The following NCOR2 variants were observed in gnomAD, a reference collection of about 807,000 sequenced individuals.
NCOR2 encodes CTG repeat protein 26.
A neutral mutation model predicts 262.9 loss-of-function variants in NCOR2; 81 were observed. The observed-to-expected ratio is 0.31, with a 90% CI of 0.26 to 0.37. The LOEUF is 0.37. Ranked by LOEUF, NCOR2 falls within the 10% of genes least tolerant of loss-of-function variation. The probability of loss-of-function intolerance (pLI) is 1.00; values close to 1 mark genes in which losing one functional copy is unlikely to be tolerated. For synonymous variants in NCOR2, 1,659 were observed against 1,559.3 expected, an observed-to-expected ratio of 1.06 and a Z score of -1.51; for missense variants, 3,385 against 3,621.4, an observed-to-expected ratio of 0.93 and a Z score of 1.68.
chr12:124,434,758 G>A (rs550809990), intron 8 of NCOR2, among the ~76,000 whole-genome samples: 2 of 152,296 alleles, frequency 1.3e-5, no homozygotes, highest in East Asian at 1.9e-4. Flanking sequence ...GGAGACAGAG[G>A]GGGAGTATTT....
intron 46 of NCOR2, 43 bp from the exon 49 acceptor site, chr12:124,325,626 CCGG>C: frequency 1.6e-6 from 2 of 1,243,132 alleles, no homozygotes; most frequent in Non-Finnish European, 2.0e-6. Flanking sequence ...CTCTGTGAGC[CCGG>C]CAGCCCCTGC....
chr12:124,559,850 G>A (rs966290878), intron 1 of NCOR2, among the ~76,000 whole-genome samples: 20 of 152,182 alleles, frequency 1.3e-4, no homozygotes, highest in Admixed American at 1.2e-3. Flanking sequence ...TACGGCTTTG[G>A]AAAATTGTGA....
At chr12:124,372,042 G>A (rs762853215) in exon 20 of NCOR2, 46 of 1,596,712 alleles carry the variant, frequency 2.9e-5, no homozygotes, top group African/African-American at 4.0e-5. Context: ...CGCCGCCCTC[G>A]GCCTCATCCA....
chr12:124,416,847 CA>C (rs1303277624), intron 13 of NCOR2, among the ~76,000 whole-genome samples: 1 of 128,646 alleles, frequency 7.8e-6, no homozygotes, highest in South Asian at 2.6e-4. Flanking sequence ...CCCCGTGGCC[CA>C]GGGAGACCCC....
At chr12:124,497,039 G>C (rs1025736089), upstream of NCOR2, among the ~76,000 whole-genome samples, 1 of 152,232 alleles carries the variant, frequency 6.6e-6, no homozygotes, top group Non-Finnish European at 1.5e-5. The surrounding 1 kb of genome is among the most constrained non-coding windows in gnomAD (Gnocchi z 4.2). Flanking sequence ...ATGGTGGCTG[G>C]AGGCAGGTCG....
Position 124,432,523 on chromosome 12 carries a change from C to T in NCOR2, c.883-1736G>A, listed in dbSNP as rs1370845334. On this transcript the variant is annotated intron_variant, in intron 8 of 46. Transcript: ENST00000405201. The surrounding 1 kb of genome is among the most constrained non-coding windows in gnomAD (Gnocchi z 5.1). ...CAGCAGCCACATGCGGCTGGGGCTCCGGCCGCACCAGACAGCCCGGATGGA... is the reference window on the plus strand; with the variant it reads ...CAGCAGCCACATGCGGCTGGGGCTCTGGCCGCACCAGACAGCCCGGATGGA... Among the ~76,000 whole-genome samples the T allele has an allele frequency of 2.6e-5, 4 of 152,178 alleles. No homozygotes were observed. Among genetic ancestry groups the T allele is most frequent in the South Asian group, 2.1e-4 (1 of 4,830 alleles).
chr12:124,554,767 A>G (rs2051830635), intron 1 of NCOR2, among the ~76,000 whole-genome samples: 1 of 152,250 alleles, frequency 6.6e-6, no homozygotes, highest in Admixed American at 6.5e-5. Flanking sequence ...CCCAGGGCCC[A>G]GGTGCCGGGA....
chr12:124,325,666 C>T, intron 46 of NCOR2, 83 bp from the exon 49 acceptor site: 1 of 949,030 alleles, frequency 1.1e-6, no homozygotes, highest in Non-Finnish European at 1.4e-6. Flanking sequence ...ACACCGGGAA[C>T]AGAGGCCTCA....
upstream of NCOR2, among the ~76,000 whole-genome samples, chr12:124,500,234 G>T (rs978733979): frequency 1.3e-5 from 2 of 152,090 alleles, no homozygotes; most frequent in African/African-American, 4.8e-5. Flanking sequence ...ACAGCCCCAG[G>T]GCCCCTGCTG....
intron 13 of NCOR2, among the ~76,000 whole-genome samples, chr12:124,416,408 G>A (rs1343838828): frequency 6.6e-6 from 1 of 152,146 alleles, no homozygotes; most frequent in Non-Finnish European, 1.5e-5. Context: ...CTTTGCACTT[G>A]AGGGCCCCAT....
At chr12:124,466,906 G>A (rs539656878) in intron 4 of NCOR2, among the ~76,000 whole-genome samples, 14 of 151,902 alleles carry the variant, frequency 9.2e-5, no homozygotes, top group South Asian at 2.1e-4. Flanking sequence ...CTCATGATGC[G>A]TGCAAAGCAC....
chr12:124,326,011 G>A (rs1196838510), intron 46 of NCOR2, 180 bp downstream of exon 48: 1 of 629,628 alleles, frequency 1.6e-6, no homozygotes, highest in Admixed American at 4.0e-5. Flanking sequence ...CCTGGCAGAA[G>A]CATCCTGATG....
At chr12:124,376,258 T>TGGGGGA (rs1565888747) in intron 18 of NCOR2, among the ~76,000 whole-genome samples, 4 of 151,972 alleles carry the variant, frequency 2.6e-5, no homozygotes, top group Non-Finnish European at 5.9e-5. Flanking sequence ...CAGCAGAGCA[T>TGGGGGA]GCCCCTCCCC....
intron 9 of NCOR2, 31 bp downstream of exon 11, chr12:124,430,584 G>A (rs759144562): frequency 7.0e-6 from 11 of 1,581,634 alleles, no homozygotes; most frequent in Middle Eastern, 1.7e-4. Flanking sequence ...GGGCCCTGAC[G>A]TCGGGGGCCC....
chr12:124,344,723 C>T, exon 32 of NCOR2: 1 of 1,541,832 alleles, frequency 6.5e-7, no homozygotes, highest in Middle Eastern at 1.7e-4. Context: ...AGCTCAGGCA[C>T]AATGACCGGG....
chr12:124,346,809 G>T, exon 31 of NCOR2: 1 of 1,576,766 alleles, frequency 6.3e-7, no homozygotes, highest in Non-Finnish European at 8.6e-7. Context: ...GCCTCCCGAC[G>T]CAGGTAGTCC....
intron 13 of NCOR2, among the ~76,000 whole-genome samples, chr12:124,411,058 G>A (rs978906845): frequency 2.3e-5 from 3 of 132,380 alleles, no homozygotes; most frequent in Non-Finnish European, 5.0e-5. Context: ...AGGAGGAAGA[G>A]GAGAGATGGG....
upstream of NCOR2, among the ~76,000 whole-genome samples, chr12:124,537,542 C>T (rs1362294315): frequency 1.3e-5 from 2 of 152,232 alleles, no homozygotes; most frequent in African/African-American, 2.4e-5. Context: ...TCTCAGATTC[C>T]CCATCTCTAA....
intron 13 of NCOR2, among the ~76,000 whole-genome samples, chr12:124,413,597 C>G (rs901313079): frequency 6.6e-6 from 1 of 152,152 alleles, no homozygotes; most frequent in Non-Finnish European, 1.5e-5. Context: ...CCTGGAGCCA[C>G]GGGCACCGCG....
Sources: gnomAD v4.1 joint callset for allele counts (sites outside exome capture counted in the v4.1 genomes callset) on GRCh38, gnomAD v4.1.1 for gene constraint, Gnocchi (gnomAD v3.1) non-coding constraint, MANE v1.5 for transcripts, NCBI Gene and HGNC (gene_info 2026-07-23, HGNC 2026-07-21) for gene names.